Variants in SCP2 observed in about 807,000 individuals in gnomAD.
SCP2 encodes the protein SCP-2/3-oxoacyl-CoA thiolase.
A neutral mutation model predicts 71.4 loss-of-function variants in SCP2; 48 were observed. The observed-to-expected ratio is 0.67, with a 90% CI of 0.53 to 0.86. The LOEUF is 0.86. SCP2 is among the 40% of genes least tolerant of loss of function. SCP2 has a pLI of 0.00. For synonymous variants in SCP2, 220 were observed against 218.1 expected (o/e 1.01, Z -0.08); for missense variants, 560 against 655.6 (o/e 0.85, Z 1.59).
chr1:53,022,729 A>C (rs944894037), intron 12 of SCP2, among the ~76,000 whole-genome samples: 2 of 152,174 alleles, frequency 1.3e-5, no homozygotes, highest in Middle Eastern at 3.2e-3. Flanking sequence ...CTAAGGAGAG[A>C]GAGCCTTGAG....
intron 2 of SCP2, among the ~76,000 whole-genome samples, chr1:52,946,581 C>A (rs1406529795): frequency 6.6e-6 from 1 of 152,132 alleles, no homozygotes; most frequent in African/African-American, 2.4e-5. Context: ...TTCTTCTCAA[C>A]ATAGTCTCAT....
At chr1:52,962,441 G>C (rs1656556236) in intron 6 of SCP2, among the ~76,000 whole-genome samples, 1 of 151,890 alleles carries the variant, frequency 6.6e-6, no homozygotes, top group Non-Finnish European at 1.5e-5. Flanking sequence ...CTACTTTATA[G>C]CCAGAGCCAT....
intron 11 of SCP2, among the ~76,000 whole-genome samples, chr1:53,008,038 A>G (rs188041684): frequency 6.6e-6 from 1 of 152,332 alleles, no homozygotes; most frequent in East Asian, 1.9e-4. Context: ...GAAGAAATGG[A>G]TAAATTCCTG....
In SCP2 at chr1:53,035,132, T is replaced by C. The variant is rs561323351; in HGVS notation, c.1339-3785T>C. ...AAGAAAAAAAAAAAAATTAATATGA[T>C]ACCAAAAGGAAGAATTTTGTGTATA... is the stretch of plus-strand genomic sequence containing the variant. On this transcript the variant is annotated intron_variant, in intron 13 of 15. Transcript: ENST00000371514. 3.3e-5 allele frequency among the ~76,000 whole-genome samples: 5 copies of C among 151,650 alleles called. 1 individual carries two copies. Among genetic ancestry groups the C allele is most frequent in the African/African-American group, 1.2e-4 (5 of 41,412 alleles).
At chr1:53,008,924 C>T (rs2150220671) in intron 11 of SCP2, among the ~76,000 whole-genome samples, 1 of 152,334 alleles carries the variant, frequency 6.6e-6, no homozygotes, top group South Asian at 2.1e-4. Flanking sequence ...TAAGCAACTT[C>T]AGCAAAGTCT....
At chr1:52,930,312 T>A (rs1653024727) in intron 1 of SCP2, among the ~76,000 whole-genome samples, 2 of 128,106 alleles carry the variant, frequency 1.6e-5, no homozygotes. Context: ...ATCCCTAAAG[T>A]ATATCTTAAA....
intron 1 of SCP2, 98 bp downstream of exon 1, chr1:52,927,563 C>T: frequency 1.1e-6 from 1 of 901,882 alleles, no homozygotes; most frequent in Non-Finnish European, 1.8e-6. Flanking sequence ...GACTGCTCCG[C>T]GCGTGGGTCA....
intron 11 of SCP2, among the ~76,000 whole-genome samples, chr1:52,991,439 C>T (rs6672458): frequency 0.31 from 46,961 of 150,500 alleles, 11,993 homozygotes; most frequent in African/African-American, 0.7. Context: ...CTTGCTTTGT[C>T]GCCCAGGCTG....
intron 11 of SCP2, chr1:52,994,700 C>A (rs1659798084): frequency 5.8e-6 from 4 of 690,530 alleles, no homozygotes; most frequent in Admixed American, 2.4e-5. Context: ...TTGAGGCGAG[C>A]AAAAAAATTA....
At chr1:53,034,235 C>T (rs960402709) in intron 13 of SCP2, among the ~76,000 whole-genome samples, 2 of 151,580 alleles carry the variant, frequency 1.3e-5, no homozygotes, top group African/African-American at 4.9e-5. Context: ...TGAAACATGC[C>T]ACTGCACTCC....
At position 53,050,935 on chromosome 1, in the gene SCP2, A is replaced by T; in HGVS notation, c.*231A>T. The T allele has an allele frequency of 2.7e-6, 1 of 369,536 alleles. No individual in the cohort carries two copies. Among genetic ancestry groups the T allele is most frequent in the South Asian group, 4.0e-5 (1 of 24,924 alleles). The allele number at this position is 369,536 out of a possible 1,614,324, so 22.9% of individuals were successfully genotyped here. On this transcript the variant is annotated 3_prime_UTR_variant, in exon 16 of 16. Coordinates refer to ENST00000371514, the MANE Select transcript of SCP2 (RefSeq NM_002979.5). The stretch of plus-strand genomic sequence containing the variant: ...TACAACTGTGCATTACAAAGTTAAT[A>T]TGGTAATTATGGTCTGGGGTAAAAT...
At position 52,974,772 on chromosome 1, in the gene SCP2, CA is replaced by C; in HGVS notation, c.532del (p.Ile178LeufsTer29). The stretch of plus-strand genomic sequence containing the variant: ...TAGATGTTTGCTTTCTTTACAGGAA[CA>C]AAAATTGAACACTTTGCAAAAATTG... ...AGKEHMEKYG[T>X]KIEHFAKIGW... On this transcript the variant is annotated frameshift_variant, in exon 7 of 16. Transcript: ENST00000371514. LOFTEE classifies it high-confidence loss of function. The C allele has an allele frequency of 6.5e-7, 1 of 1,528,346 alleles. No individual in the cohort carries two copies. Among genetic ancestry groups the C allele is most frequent in the Non-Finnish European group, 9.1e-7 (1 of 1,102,198 alleles). The allele number at this position is 1,528,346 out of a possible 1,614,324, so 94.7% of individuals were successfully genotyped here.
At chr1:52,965,594 T>C (rs1051257837) in intron 6 of SCP2, among the ~76,000 whole-genome samples, 3 of 152,196 alleles carry the variant, frequency 2.0e-5, no homozygotes, top group Non-Finnish European at 4.4e-5. Flanking sequence ...ACTGGTGTTA[T>C]ATCCTCCAAG....
At chr1:53,044,348 G>A (rs974839332) in intron 14 of SCP2, among the ~76,000 whole-genome samples, 6 of 152,284 alleles carry the variant, frequency 3.9e-5, no homozygotes, top group African/African-American at 9.6e-5. Flanking sequence ...GTGAGCCAGC[G>A]CACCCGGCTT....
chr1:52,978,479 T>G (rs1658185376), intron 9 of SCP2, 112 bp downstream of exon 9: 1 of 851,150 alleles, frequency 1.2e-6, no homozygotes, highest in Non-Finnish European at 1.9e-6. Context: ...GACATGCTAT[T>G]TGTCATTATT....
chr1:53,032,094 A>T (rs933016722), intron 13 of SCP2, among the ~76,000 whole-genome samples: 2 of 152,232 alleles, frequency 1.3e-5, no homozygotes, highest in African/African-American at 4.8e-5. Context: ...ACCTTGAGAG[A>T]TAAAAGATTT....
intron 11 of SCP2, among the ~76,000 whole-genome samples, chr1:53,010,431 C>G (rs1383896513): frequency 6.6e-6 from 1 of 152,116 alleles, no homozygotes; most frequent in Admixed American, 6.5e-5. Flanking sequence ...ATATACACCA[C>G]GGAATACTAT....
At chr1:52,973,318 T>G (rs1386135347) in intron 6 of SCP2, among the ~76,000 whole-genome samples, 3 of 151,526 alleles carry the variant, frequency 2.0e-5, no homozygotes, top group Non-Finnish European at 4.4e-5. Flanking sequence ...TTAACCATAG[T>G]CTAAACTTAT....
chr1:52,960,566 GTA>G (rs761551892), intron 5 of SCP2, among the ~76,000 whole-genome samples: 153 of 142,918 alleles, frequency 1.1e-3, no homozygotes, highest in East Asian at 2.4e-3. Flanking sequence ...ATATATGTAT[GTA>G]TATATATGTA....
Sources: gnomAD v4.1 joint callset for allele counts (sites outside exome capture counted in the v4.1 genomes callset) on GRCh38, gnomAD v4.1.1 for gene constraint, MANE v1.5 for transcripts, NCBI Gene and HGNC (gene_info 2026-07-23, HGNC 2026-07-21) for gene names.